Variants in KALRN observed in about 807,000 individuals in gnomAD.
The protein encoded by KALRN is kalirin.
Under a neutral mutation model 353.7 loss-of-function variants are expected in KALRN, and 70 were observed. The ratio of observed to expected loss-of-function variants is 0.20; its 90% CI spans 0.16 to 0.24. The LOEUF (loss-of-function observed/expected upper bound fraction) is 0.24. Among genes scored for constraint, KALRN ranks in the 10% least tolerant of loss-of-function variants. The pLI, the probability that KALRN is intolerant of heterozygous loss-of-function variation, is 1.00. For synonymous variants in KALRN, 1,391 were observed against 1,434.8 expected, an observed-to-expected ratio of 0.97 and a Z score of 0.69; for missense variants, 2,791 against 3,756.7, an observed-to-expected ratio of 0.74 and a Z score of 6.72.
intron 51 of KALRN, among the ~76,000 whole-genome samples, chr3:124,688,439 AAAAATTG>A (rs764870294): frequency 1.4e-3 from 208 of 152,274 alleles, no homozygotes; most frequent in Non-Finnish European, 2.5e-3. Context: ...CTAAATTCTT[AAAAATTG>A]TTTTTCTTAT....
At chr3:124,708,018 A>T (rs535214874) in intron 57 of KALRN, among the ~76,000 whole-genome samples, 7 of 152,342 alleles carry the variant, frequency 4.6e-5, no homozygotes, top group African/African-American at 1.7e-4. Flanking sequence ...TGTGGTGCTC[A>T]CAAGGGGCAG....
intron 21 of KALRN, among the ~76,000 whole-genome samples, chr3:124,447,144 C>T (rs147549955): frequency 2.1e-4 from 32 of 152,268 alleles, no homozygotes; most frequent in African/African-American, 7.5e-4. Flanking sequence ...CTTCATGCTT[C>T]AGGTTCTGGA....
intron 55 of KALRN, among the ~76,000 whole-genome samples, chr3:124,698,269 C>T: frequency 6.6e-6 from 1 of 152,244 alleles, no homozygotes; most frequent in South Asian, 2.1e-4. Flanking sequence ...AGCCACCGCG[C>T]CCGGCCTCCT....
In KALRN at chr3:124,434,388, G is replaced by A; in HGVS notation, c.2911G>A (p.Ala971Thr). The change falls in exon 17 of 60, where the codon GCC (alanine) becomes ACC (threonine). Residue 971 changes from alanine to threonine, a missense_variant. Physicochemically the swap from Ala to Thr is moderately conservative, Grantham distance 58. Around this residue, in one of 11 missense-constraint regions of KALRN, gnomAD observed 452 missense variants for 575.8 expected, o/e 0.78. Coordinates refer to ENST00000682506, the MANE Select transcript of KALRN (RefSeq NM_001388419.1). ...VQQKAEVLLQ[A>T]GHYDADAIRE... ...GCAGAAAGCCGAGGTGCTGCTCCAG[G>A]CCGGCCACTACGATGCCGATGCCAT... 1 of 1,614,084 alleles carries A rather than the reference G, an allele frequency of 6.2e-7. No individual in the cohort carries two copies. The highest frequency in any genetic ancestry group is 8.5e-7 in the Non-Finnish European group (1 of 1,180,020).
chr3:124,094,211 GTCTCTAC>G (rs1213331326), intron 1 of KALRN: 1 of 156,236 alleles, frequency 6.4e-6, no homozygotes, highest in East Asian at 1.9e-4. Context: ...AGCCCATGCT[GTCTCTAC>G]TATAACAAAG....
chr3:124,190,782 C>T (rs1223070496), intron 1 of KALRN, among the ~76,000 whole-genome samples: 3 of 152,164 alleles, frequency 2.0e-5, no homozygotes, highest in Non-Finnish European at 4.4e-5. Flanking sequence ...GGATTTCTCC[C>T]CACCAGCAGC....
At chr3:124,356,907 C>T (rs9820608) in intron 10 of KALRN, among the ~76,000 whole-genome samples, 58,044 of 152,014 alleles carry the variant, frequency 0.38, 11,431 homozygotes, top group East Asian at 0.68. Flanking sequence ...ATCCATGTCT[C>T]ATCTCTGGTT....
chr3:124,687,369 G>T (rs771102355), intron 51 of KALRN, among the ~76,000 whole-genome samples: 1 of 152,130 alleles, frequency 6.6e-6, no homozygotes, highest in Non-Finnish European at 1.5e-5. Flanking sequence ...CTCCTAGGCT[G>T]CCAGGAGCAG....
At chr3:124,184,953 A>G (rs554839447) in intron 1 of KALRN, among the ~76,000 whole-genome samples, 1 of 152,300 alleles carries the variant, frequency 6.6e-6, no homozygotes, top group East Asian at 1.9e-4. Flanking sequence ...GATGAATAGG[A>G]GGAGCCAGTT....
intron 5 of KALRN, among the ~76,000 whole-genome samples, chr3:124,286,082 C>CCTTCCCTTCTTT (rs1553893895): frequency 9.8e-6 from 1 of 102,156 alleles, no homozygotes; most frequent in Non-Finnish European, 1.9e-5. Context: ...TTCTTTCCTT[C>CCTTCCCTTCTTT]CTTTCTTTCT....
At chr3:124,041,157 A>G (rs78649194) in intron 1 of KALRN, among the ~76,000 whole-genome samples, 2,795 of 152,266 alleles carry the variant, frequency 0.018, 83 homozygotes, top group African/African-American at 0.062. Context: ...AAGGGGTTAA[A>G]AGGGGAGGGA....
At position 124,057,795 on chromosome 3, in the gene KALRN, G is replaced by A. The variant is rs993665776; in HGVS notation, c.73+23982G>A. 4.6e-5 allele frequency among the ~76,000 whole-genome samples: 7 copies of A among 152,120 alleles called. No individual in the cohort carries two copies. In the South Asian group the frequency reaches 1.5e-3, roughly 32 times the overall value. ...CAAGGACCCGCTGTCCTTTCCATCGGTGAGACTGCAAGTATCCAGGTTTAT... is the reference window on the plus strand; with the variant it reads ...CAAGGACCCGCTGTCCTTTCCATCGATGAGACTGCAAGTATCCAGGTTTAT... On this transcript the variant is annotated intron_variant, in intron 1 of 59. Coordinates refer to ENST00000682506, the MANE Select transcript of KALRN (RefSeq NM_001388419.1).
chr3:124,075,876 G>T (rs1344234847), intron 1 of KALRN, among the ~76,000 whole-genome samples: 1 of 152,194 alleles, frequency 6.6e-6, no homozygotes, highest in Non-Finnish European at 1.5e-5. Context: ...GCGGAGCTGA[G>T]CATGCTGTCT....
chr3:124,173,842 C>T (rs1002378568), intron 1 of KALRN, among the ~76,000 whole-genome samples: 1 of 152,116 alleles, frequency 6.6e-6, no homozygotes, highest in African/African-American at 2.4e-5. Context: ...TCTCGAGCTC[C>T]TGACCTCGTG....
chr3:124,446,842 A>T lies in KALRN; in HGVS notation c.3509A>T (p.Gln1170Leu). Residue 1170 changes from glutamine (Q) to leucine (L), a missense_variant, in exon 21 of 60, where the codon CAG (glutamine) becomes CTG (leucine). Gln to Leu is a moderately radical substitution (Grantham distance 113, BLOSUM62 -2). Coordinates refer to ENST00000682506, the MANE Select transcript of KALRN (RefSeq NM_001388419.1). Reference sequence around the variant, plus strand: ...ACTGGAGAGACCACAGAGGAGACTCAGGAACTGCTGAAAGAATATGGGGAA... The same window carrying T: ...ACTGGAGAGACCACAGAGGAGACTCTGGAACTGCTGAAAGAATATGGGGAA... Reference protein sequence around the residue: ...TSTGETTEETQELLKEYGEFR... With the variant: ...TSTGETTEETLELLKEYGEFR... 1 of 1,614,124 alleles carries T rather than the reference A, an allele frequency of 6.2e-7. No individual in the cohort carries two copies. Among genetic ancestry groups the T allele is most frequent in the Non-Finnish European group, 8.5e-7 (1 of 1,179,976 alleles).
intron 25 of KALRN, among the ~76,000 whole-genome samples, chr3:124,471,348 G>A (rs1462487875): frequency 2.0e-5 from 3 of 150,920 alleles, no homozygotes; most frequent in Non-Finnish European, 2.9e-5. Flanking sequence ...GCAATGGCGC[G>A]ATCTCAGCTC....
chr3:124,061,375 C>T (rs2041982315), intron 1 of KALRN, among the ~76,000 whole-genome samples: 2 of 152,138 alleles, frequency 1.3e-5, no homozygotes, highest in Admixed American at 1.3e-4. Flanking sequence ...AAATGAGTCA[C>T]TCCAAATCCC....
chr3:124,260,834 C>G (rs2072749459), intron 3 of KALRN, among the ~76,000 whole-genome samples: 1 of 148,606 alleles, frequency 6.7e-6, no homozygotes, highest in Admixed American at 6.8e-5. Flanking sequence ...ATGCCATGCT[C>G]TTTTGCTTCT....
intron 3 of KALRN, among the ~76,000 whole-genome samples, chr3:124,238,852 C>A (rs1205726646): frequency 6.6e-6 from 1 of 152,180 alleles, no homozygotes; most frequent in Admixed American, 6.5e-5. Context: ...CTCTGTCTTG[C>A]TCCTGATGAG....
Sources: allele counts gnomAD v4.1 joint callset (sites outside exome capture counted in the v4.1 genomes callset), GRCh38; gene constraint gnomAD v4.1.1; regional missense constraint gnomAD v4.1.1; transcripts MANE v1.5; gene names NCBI Gene and HGNC (gene_info 2026-07-23, HGNC 2026-07-21).